The following DLC1 variants were observed in gnomAD, a reference collection of about 807,000 sequenced individuals.
DLC1 encodes rho GTPase-activating protein 7.
Under a neutral mutation model 140.3 loss-of-function variants are expected in DLC1, and 54 were observed. The ratio of observed to expected loss-of-function variants is 0.38; its 90% confidence interval spans 0.31 to 0.48. The LOEUF (loss-of-function observed/expected upper bound fraction) is 0.48. Among genes scored for constraint, DLC1 ranks in the 20% least tolerant of loss-of-function variants. The pLI, the probability that DLC1 is intolerant of heterozygous loss-of-function variation, is 0.96. For missense variants in DLC1, 2,536 were observed against 1,907.0 expected, an observed-to-expected ratio of 1.33 and a Z score of -6.14; for synonymous variants, 986 against 728.1, an observed-to-expected ratio of 1.35 and a Z score of -5.70.
chr8:13,115,177 C>G (rs912511323), intron 6 of DLC1, among the ~76,000 whole-genome samples: 2 of 152,028 alleles, frequency 1.3e-5, no homozygotes, highest in Admixed American at 6.6e-5. Flanking sequence ...CAGGCCCATA[C>G]AGTATAGAAG....
intron 5 of DLC1, among the ~76,000 whole-genome samples, chr8:13,227,105 C>G (rs1222575659): frequency 1.3e-5 from 2 of 152,134 alleles, no homozygotes; most frequent in African/African-American, 4.8e-5. Context: ...CCAGGCTGGT[C>G]TCGAGCATCT....
intron 1 of DLC1, among the ~76,000 whole-genome samples, chr8:13,601,280 G>A (rs191328712): frequency 4.6e-4 from 70 of 151,786 alleles, no homozygotes; most frequent in African/African-American, 1.7e-3. Flanking sequence ...ACTAGCTCTT[G>A]AGCTCAAATT....
In DLC1 at chr8:13,599,557, G is replaced by A. The variant is rs1447617566; in HGVS notation, c.-126+4980C>T. On this transcript the variant is annotated intron_variant, in intron 1 of 1. Transcript: ENST00000631382. ...TCCCAATGAAGAAGGCATGAACAAA[G>A]AACAAACCAAGAACCTAAATATCTA... Among the ~76,000 whole-genome samples the A allele has an allele frequency of 2.0e-5, 3 of 151,868 alleles. No homozygotes were observed. In the East Asian group the frequency reaches 5.8e-4, roughly 29 times the overall value.
At chr8:13,343,939 C>G (rs1834193641) in intron 4 of DLC1, among the ~76,000 whole-genome samples, 1 of 152,068 alleles carries the variant, frequency 6.6e-6, no homozygotes, top group South Asian at 2.1e-4. Flanking sequence ...CTTAAGTTTC[C>G]AGAATCAAGG....
intron 5 of DLC1, chr8:13,304,698 C>G (rs1047010153): frequency 1.3e-5 from 12 of 958,124 alleles, no homozygotes; most frequent in Non-Finnish European, 1.5e-5. Context: ...CATAGATCTA[C>G]CAATCCATGT....
chr8:13,269,305 A>G (rs887188554), intron 5 of DLC1, among the ~76,000 whole-genome samples: 2 of 152,228 alleles, frequency 1.3e-5, no homozygotes, highest in Non-Finnish European at 2.9e-5. Flanking sequence ...GTCTTCATCA[A>G]TAACTACAGC....
intron 5 of DLC1, among the ~76,000 whole-genome samples, chr8:13,229,931 G>A (rs114035350): frequency 0.01 from 1,591 of 152,276 alleles, 21 homozygotes; most frequent in African/African-American, 0.036. Context: ...GAATCTAATG[G>A]CCCAAAGCTT....
At chr8:13,227,829 A>G (rs2898358) in intron 5 of DLC1, among the ~76,000 whole-genome samples, 63,906 of 152,014 alleles carry the variant, frequency 0.42, 14,000 homozygotes, top group East Asian at 0.82. Flanking sequence ...ACAAATGAAT[A>G]AAGTGTTAAA....
chr8:13,485,326 A>G (rs1034741705), intron 2 of DLC1, among the ~76,000 whole-genome samples: 1 of 152,226 alleles, frequency 6.6e-6, no homozygotes, highest in Non-Finnish European at 1.5e-5. Context: ...CAATAGGCTT[A>G]AAATGACTTC....
intron 2 of DLC1, among the ~76,000 whole-genome samples, chr8:13,466,006 C>G (rs1343393321): frequency 2.0e-5 from 3 of 152,310 alleles, no homozygotes; most frequent in East Asian, 3.9e-4. Flanking sequence ...CTGGTGACCT[C>G]CTCCCTAGGG....
intron 2 of DLC1, among the ~76,000 whole-genome samples, chr8:13,405,856 TTC>T (rs904764568): frequency 1.3e-5 from 2 of 149,742 alleles, no homozygotes; most frequent in African/African-American, 4.9e-5. Flanking sequence ...CTTTCTGTCT[TTC>T]TCTCTTTTCT....
At chr8:13,538,871 G>A (rs550819391) in intron 1 of DLC1, among the ~76,000 whole-genome samples, 12 of 152,312 alleles carry the variant, frequency 7.9e-5, no homozygotes, top group Admixed American at 2.6e-4. Flanking sequence ...CAGTTCGGCA[G>A]ATAGTAATGT....
intron 4 of DLC1, among the ~76,000 whole-genome samples, chr8:13,344,084 C>T (rs1350252055): frequency 6.6e-6 from 1 of 152,190 alleles, no homozygotes; most frequent in Non-Finnish European, 1.5e-5. Context: ...ACAAACTATT[C>T]ATTTATTTGC....
At chr8:13,341,372 C>T (rs1303631146) in intron 4 of DLC1, 4 of 152,154 alleles carry the variant, frequency 2.6e-5, no homozygotes, top group Admixed American at 2.0e-4. Flanking sequence ...CCTTCAGCTT[C>T]GAGCAGTTCT....
intron 1 of DLC1, among the ~76,000 whole-genome samples, chr8:13,593,537 CAA>C (rs1204630497): frequency 2.0e-5 from 3 of 152,020 alleles, no homozygotes; most frequent in African/African-American, 7.2e-5. Flanking sequence ...ACCTGGATGC[CAA>C]AGACAGGCTA....
intron 4 of DLC1, among the ~76,000 whole-genome samples, chr8:13,315,686 C>A (rs908446857): frequency 3.9e-5 from 6 of 152,138 alleles, no homozygotes; most frequent in African/African-American, 1.4e-4. Flanking sequence ...TTGTTAATTT[C>A]CATTTGCTGC....
intron 1 of DLC1, among the ~76,000 whole-genome samples, chr8:13,582,487 G>A (rs6984634): frequency 0.36 from 55,361 of 151,900 alleles, 11,061 homozygotes; most frequent in South Asian, 0.57. Context: ...TATAAAGCAG[G>A]CAGAAAAATG....
At chr8:13,392,797 T>C (rs937382580) in intron 4 of DLC1, among the ~76,000 whole-genome samples, 5 of 150,460 alleles carry the variant, frequency 3.3e-5, no homozygotes, top group African/African-American at 1.2e-4. Context: ...CCAAAGCAGT[T>C]TCCTCCTTTC....
intron 5 of DLC1, among the ~76,000 whole-genome samples, chr8:13,277,768 A>T (rs1450401393): frequency 6.6e-6 from 1 of 152,220 alleles, no homozygotes; most frequent in Non-Finnish European, 1.5e-5. Flanking sequence ...GGCATAAGAC[A>T]TCTAAAGGCC....
Sources: gnomAD v4.1 joint callset for allele counts (sites outside exome capture counted in the v4.1 genomes callset) on GRCh38, gnomAD v4.1.1 for gene constraint, MANE v1.5 for transcripts, NCBI Gene and HGNC (gene_info 2026-07-23, HGNC 2026-07-21) for gene names.